The following OR5B12 variants were observed in gnomAD, a reference collection of about 807,000 sequenced individuals.
OR5B12 encodes olfactory receptor 5B12.
For synonymous variants in OR5B12, 154 were observed against 138.0 expected (o/e 1.12, Z -0.81); for missense variants, 418 against 377.0 (o/e 1.11, Z -0.90).
In OR5B12 at chr11:58,439,537, G is replaced by T; in HGVS notation, c.615C>A (p.Asp205Glu). The T allele has an allele frequency of 6.2e-7, 1 of 1,613,428 alleles. No homozygotes were observed. The highest frequency in any genetic ancestry group is 8.5e-7 in the Non-Finnish European group (1 of 1,179,808). The change falls in exon 2 of 2, where the codon GAC becomes GAA. Residue 205 changes from aspartate (D) to glutamate (E), a missense_variant. Asp to Glu is a conservative substitution (Grantham distance 45). Transcript: ENST00000641921. The stretch of plus-strand genomic sequence containing the variant: ...TCAAGATTACCAGGATAGAAAAGAG[G>T]TCATTGAATCCCACCACAAAAAAAA... ...MVIFFVVGFN[D>E]LFSILVILIS...
Position 58,439,588 on chromosome 11 carries a change from T to C in OR5B12, c.564A>G (p.Ser188=), listed in dbSNP as rs746551980. The C allele has an allele frequency of 1.9e-6, 3 of 1,613,966 alleles. No individual in the cohort carries two copies. The highest frequency in any genetic ancestry group is 2.5e-6 in the Non-Finnish European group (3 of 1,179,970). ...TAACCATCTCACTGATGTAGTTGTC[T>C]GAACATGAGAGAGTCAAGAGAGGAG... is the stretch of plus-strand genomic sequence containing the variant. ...DAPPLLTLSC[S]DNYISEMVIF... Residue 188 remains serine, a synonymous_variant, in exon 2 of 2, where the codon TCA becomes TCG. Coordinates refer to ENST00000641921, the MANE Select transcript of OR5B12 (RefSeq NM_001004733.3).
At position 58,439,043 on chromosome 11, in the gene OR5B12, A is replaced by G; in HGVS notation, c.*164T>C. On this transcript the variant is annotated 3_prime_UTR_variant, in exon 2 of 2. Transcript: ENST00000641921. ...TATTATTTAAAATGTCCAGATTTTA[A>G]CAACAAAAAAAGTGTCACTTAAAGA... 1 of 428,684 alleles carries G rather than the reference A, an allele frequency of 2.3e-6. No individual in the cohort carries two copies. Among genetic ancestry groups the G allele is most frequent in the Non-Finnish European group, 4.2e-6 (1 of 240,008 alleles). The allele number at this position is 428,684 out of a possible 1,614,324, so 26.6% of individuals were successfully genotyped here. A position where few individuals can be genotyped will look rare whatever the true frequency, so the allele number is the denominator to read the frequency against.
chr11:58,439,442 G>A lies in OR5B12; in HGVS notation c.710C>T (p.Ser237Phe), dbSNP rs773515302. ...TGCAGTAAGGTGGGAAGCACAAGTA[G>A]AAAAGGCCTTCTGGCGTCCTTCAGG... ...RSPEGRQKAF[S>F]TCASHLTAVS... Residue 237 changes from serine to phenylalanine, a missense_variant, in exon 2 of 2, where the codon TCT becomes TTT. Coordinates refer to ENST00000641921, the MANE Select transcript of OR5B12 (RefSeq NM_001004733.3). 2 of 1,614,064 alleles carry A rather than the reference G, an allele frequency of 1.2e-6. No individual in the cohort carries two copies. The highest frequency in any genetic ancestry group is 1.7e-6 in the Non-Finnish European group (2 of 1,179,984).
chr11:58,439,593 A>C lies in OR5B12; in HGVS notation c.559T>G (p.Cys187Gly). 2.5e-6 allele frequency: 4 copies of C among 1,614,090 alleles called. No individual in the cohort carries two copies. The highest frequency in any genetic ancestry group is 3.4e-6 in the Non-Finnish European group (4 of 1,180,018). The change falls in exon 2 of 2, where the codon TGT (cysteine) becomes GGT (glycine). Residue 187 changes from cysteine (C) to glycine (G), a missense_variant. Physicochemically the swap from Cys to Gly is radical, Grantham distance 159. Coordinates refer to ENST00000641921, the MANE Select transcript of OR5B12 (RefSeq NM_001004733.3). Reference protein sequence around the residue: ...CDAPPLLTLSCSDNYISEMVI... With the variant: ...CDAPPLLTLSGSDNYISEMVI... Reference sequence around the variant, plus strand: ...ATCTCACTGATGTAGTTGTCTGAACATGAGAGAGTCAAGAGAGGAGGAGCA... The same window carrying C: ...ATCTCACTGATGTAGTTGTCTGAACCTGAGAGAGTCAAGAGAGGAGGAGCA...
intron 1 of OR5B12, among the ~76,000 whole-genome samples, chr11:58,440,827 C>T (rs1374925520): frequency 6.6e-6 from 1 of 152,132 alleles, no homozygotes; most frequent in Non-Finnish European, 1.5e-5. Flanking sequence ...TAATACCAAC[C>T]AATTGACCAA....
Position 58,439,228 on chromosome 11 carries a change from G to A in OR5B12, c.924C>T (p.Ala308=). 3.2e-6 allele frequency: 5 copies of A among 1,582,260 alleles called. No homozygotes were observed. The highest frequency in any genetic ancestry group is 1.4e-5 in the African/African-American group (1 of 73,870). ...AFKKTVGKAK[A]SIGFIF The stretch of plus-strand genomic sequence containing the variant: ...ATAATTAAAATATGAATCCTATAGA[G>A]GCCTTTGCCTTCCCTACAGTCTTTT... The change falls in exon 2 of 2, where the codon GCC becomes GCT. Residue 308 remains alanine, a synonymous_variant. Transcript: ENST00000641921.
Position 58,439,466 on chromosome 11 carries a change from G to T in OR5B12, c.686C>A (p.Pro229His), listed in dbSNP as rs904896361. 1.8e-5 allele frequency: 29 copies of T among 1,613,962 alleles called. No individual in the cohort carries two copies. The highest frequency in any genetic ancestry group is 2.4e-5 in the Non-Finnish European group (28 of 1,179,998). ...AGAAAAGGCCTTCTGGCGTCCTTCAGGTGAGCGCATCTTCATGATGGTGAT... is the reference window on the plus strand; with the variant it reads ...AGAAAAGGCCTTCTGGCGTCCTTCATGTGAGCGCATCTTCATGATGGTGAT... Reference protein sequence around the residue: ...IFITIMKMRSPEGRQKAFSTC... With the variant: ...IFITIMKMRSHEGRQKAFSTC... Residue 229 changes from proline (P) to histidine (H), a missense_variant, in exon 2 of 2, where the codon CCT becomes CAT. By Grantham distance (77) the Pro-to-His change is moderately conservative (BLOSUM62 -2). Transcript: ENST00000641921.
rs374904558 is a variant in OR5B12 at position 58,440,068 on chromosome 11, G to A, written c.84C>T (p.Val28=). The A allele has an allele frequency of 2.5e-6, 4 of 1,614,078 alleles. No homozygotes were observed. In the Admixed American group the frequency reaches 5.0e-5, roughly 20 times the overall value. The change falls in exon 2 of 2, where the codon GTC becomes GTT. Residue 28 remains valine (V), a synonymous_variant. Coordinates refer to ENST00000641921, the MANE Select transcript of OR5B12 (RefSeq NM_001004733.3). ...GAGTGATGAGGTAGATGAAAAGGAA[G>A]ACTATGAAGAGTGGGATCTGCAGTT... is the stretch of plus-strand genomic sequence containing the variant. ...DPELQIPLFI[V]FLFIYLITLV...
Position 58,439,662 on chromosome 11 carries a change from G to A in OR5B12, c.490C>T (p.Leu164Phe), listed in dbSNP as rs1235237894. Residue 164 changes from leucine to phenylalanine, a missense_variant, in exon 2 of 2, where the codon CTC (leucine) becomes TTC (phenylalanine). Leu to Phe is a conservative substitution (Grantham distance 22). Coordinates refer to ENST00000641921, the MANE Select transcript of OR5B12 (RefSeq NM_001004733.3). ...ACTACATTGGATCTACAGAAGGAGA[G>A]CCTGAAAGTGTTCCCAGTATGAATG... Reference protein sequence around the residue: ...ASIHTGNTFRLSFCRSNVVEH... With the variant: ...ASIHTGNTFRFSFCRSNVVEH... The A allele has an allele frequency of 3.7e-6, 6 of 1,614,054 alleles. No individual in the cohort carries two copies. The highest frequency in any genetic ancestry group is 1.1e-5 in the South Asian group (1 of 91,078).
rs1855466803 is a variant in OR5B12, at chr11:58,439,096, T to C, written c.*111A>G. On this transcript the variant is annotated 3_prime_UTR_variant, in exon 2 of 2. Coordinates refer to ENST00000641921, the MANE Select transcript of OR5B12 (RefSeq NM_001004733.3). ...GAAGAAAGTATGGCCAATTCATATG[T>C]TTAAGAAAACAGTCAATAGAAACTG... 2 of 526,060 alleles carry C rather than the reference T, an allele frequency of 3.8e-6. No individual in the cohort carries two copies. The highest frequency in any genetic ancestry group is 6.7e-6 in the Non-Finnish European group (2 of 298,028). 32.6% of individuals were successfully genotyped at this position (526,060 alleles called of 1,614,324 possible).
chr11:58,441,874 A>G (rs997849576), intron 1 of OR5B12, among the ~76,000 whole-genome samples, 172 bp downstream of exon 1: 15 of 152,208 alleles, frequency 9.9e-5, no homozygotes. Flanking sequence ...TAGATGAGGA[A>G]TACTCAACAT....
At chr11:58,441,692 T>C (rs950105234) in intron 1 of OR5B12, among the ~76,000 whole-genome samples, 16 of 152,190 alleles carry the variant, frequency 1.1e-4, no homozygotes, top group African/African-American at 3.9e-4. Flanking sequence ...GTGCAAAAAT[T>C]ATTTAAAATA....
At position 58,439,258 on chromosome 11, in the gene OR5B12, G is replaced by C. The variant is rs769390235; in HGVS notation, c.894C>G (p.Ala298=). 2 of 1,612,496 alleles carry C rather than the reference G, an allele frequency of 1.2e-6. No individual in the cohort carries two copies. Among genetic ancestry groups the C allele is most frequent in the African/African-American group, 2.7e-5 (2 of 74,864 alleles). ...TTGCCTTCCCTACAGTCTTTTTAAA[G>C]GCACTCTTAACCTCTTTGTTCCTCA... ...YSLRNKEVKS[A]FKKTVGKAKA... The change falls in exon 2 of 2, where the codon GCC becomes GCG. Residue 298 remains alanine, a synonymous_variant. Transcript: ENST00000641921.
Position 58,439,330 on chromosome 11 carries a change from C to T in OR5B12, c.822G>A (p.Val274=), listed in dbSNP as rs2119970279. The change falls in exon 2 of 2, where the codon GTG becomes GTA. Residue 274 remains valine, a synonymous_variant. Coordinates refer to ENST00000641921, the MANE Select transcript of OR5B12 (RefSeq NM_001004733.3). ...HFMGTDKMAS[V]FYAIVIPMLN... is the part of the protein sequence containing the mutation. The stretch of plus-strand genomic sequence containing the variant: ...ACATGGGAATGACTATGGCATAGAA[C>T]ACAGATGCCATTTTGTCTGTGCCCA... The T allele has an allele frequency of 6.2e-7, 1 of 1,612,884 alleles. No homozygotes were observed. The highest frequency in any genetic ancestry group is 8.5e-7 in the Non-Finnish European group (1 of 1,179,040).
rs1747775420 is a variant in OR5B12 at position 58,439,297 on chromosome 11, T to C, written c.855A>G (p.Pro285=). Reference sequence around the variant, plus strand: ...CTTTGTTCCTCAGGCTGTAGACCAGTGGATTCAACATGGGAATGACTATGG... The same window carrying C: ...CTTTGTTCCTCAGGCTGTAGACCAGCGGATTCAACATGGGAATGACTATGG... ...FYAIVIPMLN[P]LVYSLRNKEV... Residue 285 remains proline, a synonymous_variant, in exon 2 of 2, where the codon CCA becomes CCG. Coordinates refer to ENST00000641921, the MANE Select transcript of OR5B12 (RefSeq NM_001004733.3). 1 of 1,613,756 alleles carries C rather than the reference T, an allele frequency of 6.2e-7. No individual in the cohort carries two copies. The highest frequency in any genetic ancestry group is 1.7e-5 in the Admixed American group (1 of 59,920).
At position 58,439,381 on chromosome 11, in the gene OR5B12, G is replaced by A. The variant is rs781133082; in HGVS notation, c.771C>T (p.Tyr257=). 4 of 1,613,930 alleles carry A rather than the reference G, an allele frequency of 2.5e-6. No individual in the cohort carries two copies. The highest frequency in any genetic ancestry group is 3.4e-6 in the Non-Finnish European group (4 of 1,180,016). Residue 257 remains tyrosine, a synonymous_variant, in exon 2 of 2, where the codon TAC becomes TAT. Coordinates refer to ENST00000641921, the MANE Select transcript of OR5B12 (RefSeq NM_001004733.3). ...SIFYGTGIFM[Y]LRPNSSHFMG... ...TGAAATGGCTGGAGTTAGGTCGTAAGTACATAAAGATTCCTGTCCCATAAA... is the reference window on the plus strand; with the variant it reads ...TGAAATGGCTGGAGTTAGGTCGTAAATACATAAAGATTCCTGTCCCATAAA...
chr11:58,440,644 G>C (rs980560709), intron 1 of OR5B12, among the ~76,000 whole-genome samples: 11 of 152,166 alleles, frequency 7.2e-5, no homozygotes, highest in African/African-American at 2.7e-4. Context: ...GTGAAGAATG[G>C]AATAGCATGA....
Position 58,440,138 on chromosome 11 carries a change from G to T in OR5B12, c.14C>A (p.Thr5Lys), listed in dbSNP as rs1212455457. 6.3e-7 allele frequency: 1 copy of T among 1,599,478 alleles called. No homozygotes were observed. Among genetic ancestry groups the T allele is most frequent in the East Asian group, 2.2e-5 (1 of 44,790 alleles). MENN[T>K]EVTEFILVGL... is the part of the protein sequence containing the mutation. ...CACAAGGATGAATTCAGTCACCTCT[G>T]TGTTGTTCTCCATTGGGAATTATGT... The change falls in exon 2 of 2, where the codon ACA becomes AAA. Residue 5 changes from threonine to lysine, a missense_variant. Coordinates refer to ENST00000641921, the MANE Select transcript of OR5B12 (RefSeq NM_001004733.3).
Position 58,439,645 on chromosome 11 carries a change from G to A in OR5B12, c.507C>T (p.Ser169=), listed in dbSNP as rs761610658. Reference sequence around the variant, plus strand: ...CACAGAAAAAGTGTTCAACTACATTGGATCTACAGAAGGAGAGCCTGAAAG... The same window carrying A: ...CACAGAAAAAGTGTTCAACTACATTAGATCTACAGAAGGAGAGCCTGAAAG... ...GNTFRLSFCR[S]NVVEHFFCDA... The change falls in exon 2 of 2, where the codon TCC becomes TCT. Residue 169 remains serine, a synonymous_variant. Coordinates refer to ENST00000641921, the MANE Select transcript of OR5B12 (RefSeq NM_001004733.3). 2 of 1,614,060 alleles carry A rather than the reference G, an allele frequency of 1.2e-6. No homozygotes were observed. Among genetic ancestry groups the A allele is most frequent in the East Asian group, 2.2e-5 (1 of 44,868 alleles).
Sources: allele counts gnomAD v4.1 joint callset (sites outside exome capture counted in the v4.1 genomes callset), GRCh38; gene constraint gnomAD v4.1.1; transcripts MANE v1.5; gene names NCBI Gene and HGNC (gene_info 2026-07-23, HGNC 2026-07-21).